The following ORC4 variants were observed in gnomAD, a reference collection of about 807,000 sequenced individuals.
ORC4 encodes the protein origin recognition complex subunit 4.
A neutral mutation model predicts 63.9 loss-of-function variants in ORC4; 55 were observed. The observed-to-expected ratio is 0.86, with a 90% CI of 0.69 to 1.08. The LOEUF is 1.08. ORC4 is among the 50% of genes least tolerant of loss of function. ORC4 has a pLI of 0.00. For synonymous variants in ORC4, 150 were observed against 168.5 expected, an observed-to-expected ratio of 0.89 and a Z score of 0.85; for missense variants, 511 against 504.4, an observed-to-expected ratio of 1.01 and a Z score of -0.13.
chr2:147,987,922 C>T (rs562223394), intron 1 of ORC4, among the ~76,000 whole-genome samples: 31 of 151,452 alleles, frequency 2.0e-4, no homozygotes, highest in Admixed American at 6.6e-4. Flanking sequence ...GTGTGGTGGC[C>T]GGCGCCTATA....
chr2:147,939,102 T>G, intron 11 of ORC4, 38 bp downstream of exon 11: 1 of 1,282,000 alleles, frequency 7.8e-7, no homozygotes, highest in Non-Finnish European at 1.1e-6. Context: ...TTCAAAGTTT[T>G]AAAAACCACA....
intron 2 of ORC4, among the ~76,000 whole-genome samples, chr2:147,974,684 C>T (rs574816375): frequency 6.6e-6 from 1 of 151,248 alleles, no homozygotes; most frequent in Admixed American, 6.6e-5. Context: ...CACAAATAGG[C>T]TTTGTACAGG....
At chr2:147,987,819 C>A (rs192563267) in intron 1 of ORC4, among the ~76,000 whole-genome samples, 2 of 151,846 alleles carry the variant, frequency 1.3e-5, no homozygotes, top group African/African-American at 4.8e-5. Flanking sequence ...TTTGGGAGGC[C>A]GAGGCGGGCA....
At chr2:147,938,641 G>A in intron 11 of ORC4, 1 of 451,564 alleles carries the variant, frequency 2.2e-6, no homozygotes, top group South Asian at 2.4e-5. Flanking sequence ...ACAAAGATTG[G>A]CGAAATATTA....
chr2:148,013,342 G>A (rs1693086769), intron 1 of ORC4, among the ~76,000 whole-genome samples: 1 of 152,118 alleles, frequency 6.6e-6, no homozygotes, highest in Non-Finnish European at 1.5e-5. Context: ...AGTATCACAT[G>A]TTCTCACCCA....
rs775471407 is a variant in ORC4 at position 147,934,307 on chromosome 2, C to CTA, written c.*1201_*1202dup. On this transcript the variant is annotated 3_prime_UTR_variant, in exon 14 of 14. Coordinates refer to ENST00000392857, the MANE Select transcript of ORC4 (RefSeq NM_181741.4). ...AAATATTCTTGAACAAATGAAGTCA[C>CTA]TAAGTGCTCATTAAATTTCATTTTA... 6.6e-6 allele frequency: 1 copy of CTA among 152,182 alleles called. No homozygotes were observed. The highest frequency in any genetic ancestry group is 1.5e-5 in the Non-Finnish European group (1 of 68,016). 9.4% of individuals were successfully genotyped at this position (152,182 alleles called of 1,614,324 possible). A position where few individuals can be genotyped will look rare whatever the true frequency, so the allele number is the denominator to read the frequency against.
intron 1 of ORC4, among the ~76,000 whole-genome samples, chr2:148,013,078 T>A (rs1461287811): frequency 6.6e-6 from 1 of 152,174 alleles, no homozygotes; most frequent in Non-Finnish European, 1.5e-5. Flanking sequence ...GCAATCCCAC[T>A]ACTGTGTATA....
At chr2:147,967,296 C>T (rs1689949060) in intron 4 of ORC4, among the ~76,000 whole-genome samples, 1 of 151,952 alleles carries the variant, frequency 6.6e-6, no homozygotes, top group Admixed American at 6.6e-5. Context: ...TTCACTCTCC[C>T]CATTCTTATT....
intron 1 of ORC4, among the ~76,000 whole-genome samples, chr2:147,979,718 G>C (rs561011136): frequency 8.5e-5 from 13 of 152,116 alleles, no homozygotes; most frequent in Admixed American, 3.9e-4. Flanking sequence ...ACATGGTTCT[G>C]GCATAAAAAC....
At chr2:147,946,257 T>C (rs1194019976) in intron 9 of ORC4, among the ~76,000 whole-genome samples, 2 of 151,638 alleles carry the variant, frequency 1.3e-5, no homozygotes, top group Admixed American at 6.6e-5. Flanking sequence ...ACCTAGACCA[T>C]GTAGTTACCT....
At position 147,943,307 on chromosome 2, in the gene ORC4, TAGGG is replaced by T. The variant is rs148215521; in HGVS notation, c.849+125_849+128del. 2,847 of 693,910 alleles carry T rather than the reference TAGGG, an allele frequency of 4.1e-3. 68 individuals carry two copies. The African/African-American group carries it at 0.045, about 11-fold the overall frequency. The allele number at this position is 693,910 out of a possible 1,614,324, so 43.0% of individuals were successfully genotyped here. On this transcript the variant is annotated intron_variant, in intron 10 of 13. Transcript: ENST00000392857. ...GGTTGATGCTTGTAATGTCAGCACTTAGGGAGGCAGAGGTGGGAGGATGGCTTAA... is the reference window on the plus strand; with the variant it reads ...GGTTGATGCTTGTAATGTCAGCACTTAGGCAGAGGTGGGAGGATGGCTTAA...
rs1687995717 is a variant in ORC4, at chr2:147,935,447, A to G, written c.*63T>C. The G allele has an allele frequency of 8.3e-7, 1 of 1,210,168 alleles. No homozygotes were observed. Among genetic ancestry groups the G allele is most frequent in the East Asian group, 2.3e-5 (1 of 42,896 alleles). The allele number at this position is 1,210,168 out of a possible 1,614,324, so 75.0% of individuals were successfully genotyped here. A position where few individuals can be genotyped will look rare whatever the true frequency, so the allele number is the denominator to read the frequency against. Reference sequence around the variant, plus strand: ...TGTTTAGCATATCATGTTAATGGACAATAGTTTTCCGTTCTCTACAGAAGT... The same window carrying G: ...TGTTTAGCATATCATGTTAATGGACGATAGTTTTCCGTTCTCTACAGAAGT... On this transcript the variant is annotated 3_prime_UTR_variant, in exon 14 of 14. Coordinates refer to ENST00000392857, the MANE Select transcript of ORC4 (RefSeq NM_181741.4).
At chr2:147,959,581 A>G (rs1396764510) in intron 4 of ORC4, among the ~76,000 whole-genome samples, 1 of 152,066 alleles carries the variant, frequency 6.6e-6, no homozygotes, top group Non-Finnish European at 1.5e-5. Context: ...CTGGTAAACT[A>G]TTTTCCAAAA....
chr2:147,959,989 A>AATTTTTT (rs1359085622), intron 4 of ORC4, among the ~76,000 whole-genome samples: 1 of 152,258 alleles, frequency 6.6e-6, no homozygotes, highest in South Asian at 2.1e-4. Flanking sequence ...TTTCAGCAAA[A>AATTTTTT]ATTTTTTATT....
chr2:147,940,415 C>T (rs1688302445), intron 10 of ORC4, among the ~76,000 whole-genome samples: 1 of 151,858 alleles, frequency 6.6e-6, no homozygotes, highest in Admixed American at 6.6e-5. Flanking sequence ...GGGCATCTAC[C>T]CAGAGGAAAA....
At chr2:147,961,883 C>T (rs910691267) in intron 4 of ORC4, among the ~76,000 whole-genome samples, 6 of 152,026 alleles carry the variant, frequency 3.9e-5, no homozygotes, top group Admixed American at 2.6e-4. Context: ...GGTGCTATAA[C>T]GTGGAAGGGA....
chr2:148,017,476 A>G (rs914307909), intron 1 of ORC4, among the ~76,000 whole-genome samples: 5 of 152,256 alleles, frequency 3.3e-5, no homozygotes, highest in East Asian at 1.9e-4. Context: ...GTTTGAGACC[A>G]GCCTAGCCAA....
chr2:147,932,702 G>C lies in ORC4; in HGVS notation c.*2808C>G, dbSNP rs2105239793. 1 of 152,216 alleles carries C rather than the reference G, an allele frequency of 6.6e-6. No homozygotes were observed. Among genetic ancestry groups the C allele is most frequent in the South Asian group, 2.1e-4 (1 of 4,822 alleles). The allele number at this position is 152,216 out of a possible 1,614,324, so 9.4% of individuals were successfully genotyped here. A position where few individuals can be genotyped will look rare whatever the true frequency, so the allele number is the denominator to read the frequency against. Reference sequence around the variant, plus strand: ...GTCCTGCCAGTATTAGAAACCAGAGGCTTGTTGGCATTGTGTCACACAGTA... The same window carrying C: ...GTCCTGCCAGTATTAGAAACCAGAGCCTTGTTGGCATTGTGTCACACAGTA... On this transcript the variant is annotated 3_prime_UTR_variant, in exon 14 of 14. Coordinates refer to ENST00000392857, the MANE Select transcript of ORC4 (RefSeq NM_181741.4).
At chr2:147,957,275 T>A (rs1357145049) in intron 6 of ORC4, among the ~76,000 whole-genome samples, 1 of 148,158 alleles carries the variant, frequency 6.7e-6, no homozygotes, top group Non-Finnish European at 1.5e-5. Context: ...ATTATATAAT[T>A]AATAATTTTA....
Sources: gnomAD v4.1 joint callset for allele counts (sites outside exome capture counted in the v4.1 genomes callset) on GRCh38, gnomAD v4.1.1 for gene constraint, MANE v1.5 for transcripts, NCBI Gene and HGNC (gene_info 2026-07-23, HGNC 2026-07-21) for gene names.